Variants in RGS3 observed in about 807,000 individuals in gnomAD.
RGS3 encodes the protein regulator of G protein signaling 3.
Under a neutral mutation model 132.6 loss-of-function variants are expected in RGS3, and 80 were observed. That is an observed-to-expected ratio of 0.60 (90% CI 0.50 to 0.73). The LOEUF (loss-of-function observed/expected upper bound fraction) is 0.73. Ranked by LOEUF, RGS3 falls within the 30% of genes least tolerant of loss-of-function variation. The pLI is 0.00. For synonymous variants in RGS3, 598 were observed against 620.6 expected (o/e 0.96, Z 0.54); for missense variants, 1,382 against 1,530.8 (o/e 0.90, Z 1.62).
Position 113,506,585 on chromosome 9 carries a change from C to G in RGS3, c.1085+92C>G, listed in dbSNP as rs1831143743. ...ACTGCCTTGCCTGGCCCAGCTCTTG[C>G]TGCTCCCTCTTTTGCCTAGCTGTGA... On this transcript the variant is annotated intron_variant, in intron 12 of 24. Transcript: ENST00000350696. The surrounding 1 kb of genome is among the most constrained non-coding windows in gnomAD (Gnocchi z 4.7). 2.5e-6 allele frequency: 2 copies of G among 793,560 alleles called. No homozygotes were observed. The highest frequency in any genetic ancestry group is 4.6e-5 in the Admixed American group (2 of 43,104). 49.2% of individuals were successfully genotyped at this position (793,560 alleles called of 1,614,324 possible).
At chr9:113,594,584 G>A (rs1835656126) in intron 22 of RGS3, 53 bp downstream of exon 20, 2 of 1,445,820 alleles carry the variant, frequency 1.4e-6, no homozygotes, top group East Asian at 4.5e-5. Context: ...TGGCTCCCCG[G>A]GGAGTAGGAC....
intron 19 of RGS3, among the ~76,000 whole-genome samples, chr9:113,564,705 C>T (rs906984281): frequency 1.3e-5 from 2 of 152,232 alleles, no homozygotes; most frequent in African/African-American, 2.4e-5. Context: ...AGCTGGCTGT[C>T]TCCGGGGGAG....
chr9:113,494,733 C>T (rs1458923181), intron 7 of RGS3, among the ~76,000 whole-genome samples: 1 of 152,110 alleles, frequency 6.6e-6, no homozygotes, highest in African/African-American at 2.4e-5. Flanking sequence ...GTGATGCCTT[C>T]CAAAGTGCTG....
In RGS3 at chr9:113,584,481, G is replaced by T; in HGVS notation, c.3015+54G>T. On this transcript the variant is annotated intron_variant, in intron 20 of 24. Transcript: ENST00000350696. The stretch of plus-strand genomic sequence containing the variant: ...GATACATGCAATGTGGGGAGGGCTG[G>T]CCCAGGGGCTGCAGGGAATGAGAAG... The T allele has an allele frequency of 2.7e-6, 4 of 1,475,134 alleles. No homozygotes were observed. In the East Asian group the frequency reaches 9.3e-5, roughly 34 times the overall value. The allele number at this position is 1,475,134 out of a possible 1,614,324, so 91.4% of individuals were successfully genotyped here.
chr9:113,516,740 A>G (rs1487516503), intron 15 of RGS3, among the ~76,000 whole-genome samples: 1 of 152,146 alleles, frequency 6.6e-6, no homozygotes, highest in Non-Finnish European at 1.5e-5. Flanking sequence ...TGTGTCCCCC[A>G]GGCTGGAGTG....
At chr9:113,484,606 G>GC (rs1401183438) in intron 6 of RGS3, among the ~76,000 whole-genome samples, 1 of 152,122 alleles carries the variant, frequency 6.6e-6, no homozygotes, top group Non-Finnish European at 1.5e-5. Flanking sequence ...TTGCCTCCCT[G>GC]CCCCCCTTTT....
intron 3 of RGS3, among the ~76,000 whole-genome samples, chr9:113,477,395 A>G (rs1186074395): frequency 6.6e-6 from 1 of 152,194 alleles, no homozygotes; most frequent in East Asian, 1.9e-4. Context: ...AGGAGCCTGA[A>G]TTGCTTGGGA....
upstream of RGS3, among the ~76,000 whole-genome samples, chr9:113,456,806 TA>T (rs1161435786): frequency 6.6e-6 from 1 of 151,956 alleles, no homozygotes; most frequent in Admixed American, 6.6e-5. Context: ...ATGATTTATT[TA>T]TTTTTTTTTT....
At chr9:113,464,317 A>T (rs1829557836) in intron 3 of RGS3, among the ~76,000 whole-genome samples, 1 of 152,176 alleles carries the variant, frequency 6.6e-6, no homozygotes, top group Non-Finnish European at 1.5e-5. Flanking sequence ...CCTTGTGGGG[A>T]GGCTGCAATT....
intron 10 of RGS3, among the ~76,000 whole-genome samples, chr9:113,500,274 G>A (rs1830829937): frequency 6.6e-6 from 1 of 152,238 alleles, no homozygotes; most frequent in African/African-American, 2.4e-5. Flanking sequence ...CTCCTGTGCT[G>A]TGCAGGTGGG....
At chr9:113,490,398 T>G (rs987381458) in intron 7 of RGS3, among the ~76,000 whole-genome samples, 2 of 151,708 alleles carry the variant, frequency 1.3e-5, no homozygotes, top group Non-Finnish European at 2.9e-5. Context: ...TTCTAAAAGA[T>G]GGCTTTAAAA....
chr9:113,566,525 CT>C (rs1834019790), intron 19 of RGS3, among the ~76,000 whole-genome samples: 1 of 152,192 alleles, frequency 6.6e-6, no homozygotes, highest in Non-Finnish European at 1.5e-5. Context: ...GGGGAGGAGC[CT>C]TGTCCAAGTT....
Position 113,528,280 on chromosome 9 carries a change from C to T in RGS3, c.1871-941C>T, listed in dbSNP as rs146992055. Among the ~76,000 whole-genome samples, 36 of 152,300 alleles carry T rather than the reference C, an allele frequency of 2.4e-4. No homozygotes were observed. The East Asian group carries it at 5.6e-3, about 24-fold the overall frequency. ...TCACAGGGAGTAACCATCCCAGGAC[C>T]GTGCCCAGACAAGTGACCTAAGCGG... On this transcript the variant is annotated intron_variant, in intron 17 of 24. Coordinates refer to ENST00000350696, the Ensembl canonical transcript of RGS3.
intron 19 of RGS3, chr9:113,541,996 TTAAA>T (rs1398280951): frequency 8.5e-6 from 3 of 355,016 alleles, no homozygotes; most frequent in Non-Finnish European, 1.2e-5. Flanking sequence ...GGAGTGAGCG[TTAAA>T]TAAGTCAATA....
Position 113,565,171 on chromosome 9 carries a change from C to T in RGS3, c.2038-18279C>T, listed in dbSNP as rs1833938278. The T allele has an allele frequency of 1.6e-6, 2 of 1,227,336 alleles. No homozygotes were observed. The highest frequency in any genetic ancestry group is 2.1e-6 in the Non-Finnish European group (2 of 958,710). 76.0% of individuals were successfully genotyped at this position (1,227,336 alleles called of 1,614,324 possible). On this transcript the variant is annotated intron_variant, in intron 19 of 24. Coordinates refer to ENST00000350696, the Ensembl canonical transcript of RGS3. This position sits in a 1 kb window ranked among gnomAD's most constrained non-coding sequence, Gnocchi z 5.7. ...GGGACCCACAGCCTATGCGTGTGAG[C>T]ATGTAACCCGGGAGCCAGCTGGGCC... is the stretch of plus-strand genomic sequence containing the variant.
chr9:113,488,963 T>C (rs904866390), intron 7 of RGS3, among the ~76,000 whole-genome samples: 1 of 152,224 alleles, frequency 6.6e-6, no homozygotes. Context: ...CTCTGAAGGA[T>C]GGACATTCAA....
chr9:113,573,245 AG>A (rs1834367858), intron 19 of RGS3, among the ~76,000 whole-genome samples: 1 of 152,202 alleles, frequency 6.6e-6, no homozygotes. Context: ...CATCAGCAAT[AG>A]GCTTCCCTCC....
At chr9:113,505,878 C>T (rs1831107802) in intron 11 of RGS3, among the ~76,000 whole-genome samples, 1 of 152,202 alleles carries the variant, frequency 6.6e-6, no homozygotes, top group Admixed American at 6.5e-5. Flanking sequence ...CTGATCAGCA[C>T]TTAAAAAGAG....
intron 19 of RGS3, among the ~76,000 whole-genome samples, chr9:113,574,139 C>G (rs1834408211): frequency 1.3e-5 from 2 of 152,226 alleles, no homozygotes; most frequent in African/African-American, 4.8e-5. Context: ...TCTCTCTCCC[C>G]TATCTTTGTC....
Sources: gnomAD v4.1 joint callset for allele counts (sites outside exome capture counted in the v4.1 genomes callset) on GRCh38, gnomAD v4.1.1 for gene constraint, Gnocchi (gnomAD v3.1) non-coding constraint, MANE v1.5 for transcripts, NCBI Gene and HGNC (gene_info 2026-07-23, HGNC 2026-07-21) for gene names.